The following POLE variants were observed in gnomAD, a reference collection of about 807,000 sequenced individuals.
POLE encodes the protein DNA polymerase epsilon, catalytic subunit.
A neutral mutation model predicts 279.2 loss-of-function variants in POLE; 188 were observed. That is an observed-to-expected ratio of 0.67 (90% CI 0.60 to 0.76). The LOEUF (loss-of-function observed/expected upper bound fraction) is 0.76. Among genes scored for constraint, POLE ranks in the 30% least tolerant of loss-of-function variants. The pLI, the probability that POLE is intolerant of heterozygous loss-of-function variation, is 0.00. For missense variants in POLE, 2,703 were observed against 3,016.7 expected (o/e 0.90, Z 2.44); for synonymous variants, 1,214 against 1,172.5 (o/e 1.04, Z -0.72).
intron 41 of POLE, among the ~76,000 whole-genome samples, 166 bp from the exon 42 acceptor site, chr12:132,636,190 C>T (rs555075722): frequency 3.0e-4 from 46 of 152,186 alleles, no homozygotes; most frequent in African/African-American, 1.0e-3. Flanking sequence ...ATGTGGTAAA[C>T]GTAAAACTAA....
Position 132,625,668 on chromosome 12 carries a change from T to C in POLE, c.6634A>G (p.Met2212Val), listed in dbSNP as rs2138427458. 1.2e-6 allele frequency: 2 copies of C among 1,613,730 alleles called. No individual in the cohort carries two copies. Among genetic ancestry groups the C allele is most frequent in the Non-Finnish European group, 1.7e-6 (2 of 1,180,028 alleles). Residue 2212 changes from methionine (M) to valine (V), a missense_variant, in exon 47 of 49, where the codon ATG becomes GTG. Transcript: ENST00000320574. ...ACCAGGTCCTGCAGGGTGAAGGCCA[T>C]CAGCTTCTTCTGTAGAACTTCCACC... is the stretch of plus-strand genomic sequence containing the variant. ...TLVEVLQKKLMAFTLQDLVCL... is the reference protein window; with the variant it reads ...TLVEVLQKKLVAFTLQDLVCL...
At chr12:132,676,388 G>A in intron 9 of POLE, 158 bp downstream of exon 9, 1 of 712,326 alleles carries the variant, frequency 1.4e-6, no homozygotes, top group Non-Finnish European at 2.5e-6. Flanking sequence ...GAAAGGGGAG[G>A]GTACAGCTGG....
chr12:132,661,707 G>C lies in POLE; in HGVS notation c.2707-23C>G. ...TTCCTGAGAAACAAGAGTGAAGAGG[G>C]GGCAGCTTCACTCATGATGGCCCAA... On this transcript the variant is annotated intron_variant, in intron 23 of 48. Transcript: ENST00000320574. The surrounding 1 kb of genome is among the most constrained non-coding windows in gnomAD (Gnocchi z 4.1). 6.2e-7 allele frequency: 1 copy of C among 1,611,960 alleles called. No homozygotes were observed. Among genetic ancestry groups the C allele is most frequent in the Middle Eastern group, 1.7e-4 (1 of 5,884 alleles).
At chr12:132,680,959 G>A (rs934934228) in intron 2 of POLE, 179 bp downstream of exon 2, 2 of 696,748 alleles carry the variant, frequency 2.9e-6, no homozygotes, top group Non-Finnish European at 4.7e-6. Context: ...GCTTCTCACA[G>A]TGGCCTCTCT....
intron 43 of POLE, chr12:132,633,637 C>T (rs2041977794): frequency 6.6e-6 from 1 of 152,492 alleles, no homozygotes; most frequent in Non-Finnish European, 1.5e-5. Flanking sequence ...CATTCTTTAA[C>T]TTAGGGCTGT....
At position 132,661,055 on chromosome 12, in the gene POLE, C is replaced by T. The variant is rs115193764; in HGVS notation, c.2974G>A (p.Ala992Thr). 1.4e-4 allele frequency: 230 copies of T among 1,614,130 alleles called. 2 individuals are homozygous for T. The East Asian group carries it at 3.8e-3, about 27-fold the overall frequency. Residue 992 changes from alanine (A) to threonine (T), a missense_variant, in exon 25 of 49, where the codon GCC (alanine) becomes ACC (threonine). By Grantham distance (58) the Ala-to-Thr change is moderately conservative. Transcript: ENST00000320574. The surrounding 1 kb of genome is among the most constrained non-coding windows in gnomAD (Gnocchi z 4.1). ...TCCAGCGTGCTGCCCTTGAGGAAGGCCTCAAACACCGAGGATTGGAAGATC... is the reference window on the plus strand; with the variant it reads ...TCCAGCGTGCTGCCCTTGAGGAAGGTCTCAAACACCGAGGATTGGAAGATC... ...IKIFQSSVFE[A>T]FLKGSTLEEV...
chr12:132,648,798 T>C, intron 32 of POLE, 131 bp downstream of exon 32: 3 of 965,712 alleles, frequency 3.1e-6, no homozygotes, highest in Non-Finnish European at 4.6e-6. Flanking sequence ...CTCACACACG[T>C]TGTTTTGAGG....
chr12:132,670,250 C>T (rs2135983792), intron 16 of POLE, among the ~76,000 whole-genome samples: 1 of 150,568 alleles, frequency 6.6e-6, no homozygotes, highest in East Asian at 2.0e-4. Context: ...GTGGCAAGCG[C>T]CTGTTATCCC....
In POLE at chr12:132,668,657, G is replaced by A. The variant is rs2135977866; in HGVS notation, c.2004C>T (p.Ala668=). Residue 668 remains alanine (A), a synonymous_variant, in exon 18 of 49, where the codon GCC becomes GCT. Coordinates refer to ENST00000320574, the MANE Select transcript of POLE (RefSeq NM_006231.4). The surrounding 1 kb of genome is among the most constrained non-coding windows in gnomAD (Gnocchi z 4.0). ...CACTGAACTCGCCCCTCCACTGCCA[G>A]GCCATCTTCCGCTGGCAGTTTGCTC... ...KPGANCQRKM[A]WQWRGEFMPA... is the part of the protein sequence containing the mutation. The A allele has an allele frequency of 6.2e-7, 1 of 1,613,332 alleles. No individual in the cohort carries two copies. The highest frequency in any genetic ancestry group is 8.5e-7 in the Non-Finnish European group (1 of 1,179,344).
chr12:132,626,297 G>A lies in POLE; in HGVS notation c.6351C>T (p.Asn2117=), dbSNP rs1555301264. The A allele has an allele frequency of 3.1e-6, 5 of 1,613,732 alleles. No homozygotes were observed. Among genetic ancestry groups the A allele is most frequent in the Non-Finnish European group, 4.2e-6 (5 of 1,180,040 alleles). The stretch of plus-strand genomic sequence containing the variant: ...TCAGCTTATTCACCTGGTTTGTGAT[G>A]TTGGTGTCCAGGGACAGCACCTGCA... The part of the protein sequence containing the change: ...YVCKVLSLDT[N]ITNQVNKLNR... Residue 2117 remains asparagine (N), a synonymous_variant, in exon 46 of 49, where the codon AAC becomes AAT. Transcript: ENST00000320574.
At chr12:132,645,838 A>G (rs1270273168) in intron 32 of POLE, among the ~76,000 whole-genome samples, 1 of 152,134 alleles carries the variant, frequency 6.6e-6, no homozygotes, top group Non-Finnish European at 1.5e-5. Context: ...ATGAAAAATT[A>G]TGTTCTGGTA....
chr12:132,657,555 A>G, intron 27 of POLE, 126 bp from the exon 28 acceptor site: 1 of 820,304 alleles, frequency 1.2e-6, no homozygotes, highest in Non-Finnish European at 2.0e-6. Context: ...TCTATGATGA[A>G]AGGTGCCCAT....
rs2138657538 is a variant in POLE, at chr12:132,657,243, G to A, written c.3475C>T (p.Pro1159Ser). 6.2e-7 allele frequency: 1 copy of A among 1,614,014 alleles called. No individual in the cohort carries two copies. Among genetic ancestry groups the A allele is most frequent in the Non-Finnish European group, 8.5e-7 (1 of 1,180,010 alleles). ...AGCCAGTCGGGGTGTTTGACACGTG[G>A]CACTGGGTTCTTTACCTGTGTGAGG... ...AALQQVKNPV[P>S]RVKHPDWLHK... The change falls in exon 29 of 49, where the codon CCA (proline) becomes TCA (serine). Residue 1159 changes from proline (P) to serine (S), a missense_variant. This residue lies in a region of POLE where 1,551 missense variants were observed against 1,686.1 expected (regional missense o/e 0.92). Transcript: ENST00000320574.
At chr12:132,656,384 G>A (rs994825588) in intron 29 of POLE, among the ~76,000 whole-genome samples, 9 of 150,600 alleles carry the variant, frequency 6.0e-5, no homozygotes, top group East Asian at 1.9e-4. Context: ...TTTTTGAGAC[G>A]GAGTCTCGCT....
At chr12:132,678,619 A>C (rs1466301311) in intron 6 of POLE, among the ~76,000 whole-genome samples, 1 of 152,146 alleles carries the variant, frequency 6.6e-6, no homozygotes, top group African/African-American at 2.4e-5. Context: ...GAAAACATTA[A>C]GTGCTGCCAG....
Position 132,672,672 on chromosome 12 carries a change from G to A in POLE, c.1641C>T (p.Leu547=), listed in dbSNP as rs267603387. 16 of 1,613,996 alleles carry A rather than the reference G, an allele frequency of 9.9e-6. No individual in the cohort carries two copies. The highest frequency in any genetic ancestry group is 3.3e-5 in the South Asian group (3 of 91,082). Residue 547 remains leucine, a synonymous_variant, in exon 15 of 49, where the codon CTC becomes CTT. Transcript: ENST00000320574. ...ETYVGGHVEA[L]ESGVFRSDIP... The stretch of plus-strand genomic sequence containing the variant: ...TATCGCTGCGGAAAACCCCAGACTC[G>A]AGGGCCTCCACGTGGCCCCCGACGT...
intron 41 of POLE, among the ~76,000 whole-genome samples, chr12:132,636,907 C>T (rs571197017): frequency 6.6e-6 from 1 of 152,392 alleles, no homozygotes; most frequent in African/African-American, 2.4e-5. Context: ...TAACTCTGCT[C>T]TTCGCGCTAA....
At chr12:132,683,607 A>G (rs1410297619) in intron 1 of POLE, among the ~76,000 whole-genome samples, 1 of 152,240 alleles carries the variant, frequency 6.6e-6, no homozygotes, top group Non-Finnish European at 1.5e-5. Flanking sequence ...CAGAAAAACT[A>G]TATTCCAAAT....
chr12:132,630,868 A>G (rs1029800214), intron 45 of POLE, among the ~76,000 whole-genome samples: 7 of 152,272 alleles, frequency 4.6e-5, no homozygotes, highest in African/African-American at 1.7e-4. Flanking sequence ...CTCTTGCCAC[A>G]CACTGCTGAG....
Sources: allele counts gnomAD v4.1 joint callset (sites outside exome capture counted in the v4.1 genomes callset), GRCh38; gene constraint gnomAD v4.1.1; regional missense constraint gnomAD v4.1.1; non-coding constraint Gnocchi (gnomAD v3.1); transcripts MANE v1.5; gene names NCBI Gene and HGNC (gene_info 2026-07-23, HGNC 2026-07-21).